Variants in RAP1A observed in about 807,000 individuals in gnomAD.
RAP1A encodes the protein RAP1A, member of RAS oncogene family.
Under a neutral mutation model 26.4 loss-of-function variants are expected in RAP1A, and 6 were observed. The ratio of observed to expected loss-of-function variants is 0.23; its 90% CI spans 0.12 to 0.45. The LOEUF is 0.45. RAP1A is among the 20% of genes least tolerant of loss of function. RAP1A has a pLI of 0.99. For missense variants in RAP1A, 121 were observed against 217.2 expected, an observed-to-expected ratio of 0.56 and a Z score of 2.78; for synonymous variants, 73 against 79.4, an observed-to-expected ratio of 0.92 and a Z score of 0.43.
At chr1:111,626,654 C>T (rs1396952740) in intron 1 of RAP1A, among the ~76,000 whole-genome samples, 1 of 152,114 alleles carries the variant, frequency 6.6e-6, no homozygotes, top group African/African-American at 2.4e-5. Context: ...CTCTTCTCTC[C>T]CGACCTAATT....
chr1:111,549,323 T>C (rs574929401), intron 1 of RAP1A, among the ~76,000 whole-genome samples: 13 of 151,910 alleles, frequency 8.6e-5, no homozygotes, highest in African/African-American at 2.9e-4. Context: ...TTTTTTTTTT[T>C]TTCTTGTCTT....
chr1:111,654,734 A>G (rs140745776), intron 1 of RAP1A, among the ~76,000 whole-genome samples: 1,562 of 151,362 alleles, frequency 0.01, 18 homozygotes, highest in Non-Finnish European at 0.013. Context: ...CTTCTACCTG[A>G]TAAGTGGTAG....
intron 1 of RAP1A, among the ~76,000 whole-genome samples, chr1:111,589,457 A>G (rs1304465685): frequency 1.3e-5 from 2 of 152,130 alleles, no homozygotes; most frequent in Admixed American, 6.5e-5. Flanking sequence ...TTATCCCAAC[A>G]TACCTTTCAC....
At chr1:111,603,902 A>G (rs1658720702) in intron 1 of RAP1A, among the ~76,000 whole-genome samples, 1 of 152,208 alleles carries the variant, frequency 6.6e-6, no homozygotes. Context: ...TTTTCAGATG[A>G]CCTTCATTTC....
intron 1 of RAP1A, among the ~76,000 whole-genome samples, chr1:111,581,108 G>C (rs551935490): frequency 3.0e-4 from 42 of 141,738 alleles, no homozygotes; most frequent in Admixed American, 9.7e-4. Flanking sequence ...GAAGTGGGAT[G>C]CAGGGAGCCT....
chr1:111,624,048 T>C (rs1157387419), intron 1 of RAP1A, among the ~76,000 whole-genome samples: 2 of 152,234 alleles, frequency 1.3e-5, no homozygotes, highest in Admixed American at 6.5e-5. Context: ...TATTTTAATA[T>C]TGGAATACAT....
At chr1:111,628,164 C>T (rs1044881807) in intron 1 of RAP1A, among the ~76,000 whole-genome samples, 1 of 152,202 alleles carries the variant, frequency 6.6e-6, no homozygotes, top group African/African-American at 2.4e-5. Flanking sequence ...CCACTTGGCA[C>T]ATAGGTATTT....
upstream of RAP1A, among the ~76,000 whole-genome samples, chr1:111,619,379 CCT>C (rs1352567029): frequency 6.6e-6 from 1 of 152,140 alleles, no homozygotes; most frequent in African/African-American, 2.4e-5. Context: ...GTCTGTCTCC[CCT>C]CTCTCACTCC....
intron 1 of RAP1A, among the ~76,000 whole-genome samples, chr1:111,584,189 A>G (rs1658318658): frequency 6.6e-6 from 1 of 152,104 alleles, no homozygotes; most frequent in Non-Finnish European, 1.5e-5. Flanking sequence ...GCCACAATTG[A>G]TATTTCAACT....
chr1:111,624,156 A>G (rs1463398832), intron 1 of RAP1A, among the ~76,000 whole-genome samples: 1 of 152,214 alleles, frequency 6.6e-6, no homozygotes, highest in Non-Finnish European at 1.5e-5. Flanking sequence ...TTGTAAGAAG[A>G]GTTACGGCCT....
chr1:111,593,116 A>T (rs930760716), intron 1 of RAP1A, among the ~76,000 whole-genome samples: 1 of 152,140 alleles, frequency 6.6e-6, no homozygotes, highest in Non-Finnish European at 1.5e-5. Flanking sequence ...GTTGGCTTGC[A>T]AAGGTGAGAT....
chr1:111,564,396 C>A (rs776005143), intron 1 of RAP1A, among the ~76,000 whole-genome samples: 33 of 152,082 alleles, frequency 2.2e-4, no homozygotes, highest in Admixed American at 1.2e-3. Context: ...TGCCTATATT[C>A]CTATTTGGGA....
At chr1:111,688,894 G>A (rs921845101) in intron 1 of RAP1A, among the ~76,000 whole-genome samples, 2 of 150,728 alleles carry the variant, frequency 1.3e-5, no homozygotes, top group African/African-American at 4.9e-5. Flanking sequence ...GAGTGCAGTG[G>A]GACAATCACA....
intron 1 of RAP1A, among the ~76,000 whole-genome samples, chr1:111,586,244 A>G (rs1004255085): frequency 6.6e-6 from 1 of 152,204 alleles, no homozygotes; most frequent in African/African-American, 2.4e-5. Context: ...GTTATTACCA[A>G]TAGTGTCCTT....
intron 1 of RAP1A, among the ~76,000 whole-genome samples, chr1:111,662,790 C>G (rs938938476): frequency 3.9e-5 from 6 of 152,082 alleles, no homozygotes; most frequent in Admixed American, 6.5e-5. Flanking sequence ...GTATCTTAGT[C>G]CAGCTTTGTT....
intron 4 of RAP1A, among the ~76,000 whole-genome samples, chr1:111,701,923 A>C (rs1015453159): frequency 6.6e-6 from 1 of 152,220 alleles, no homozygotes; most frequent in Non-Finnish European, 1.5e-5. Flanking sequence ...AAAATCCAGG[A>C]AACTTCCAGT....
intron 1 of RAP1A, among the ~76,000 whole-genome samples, chr1:111,688,742 T>C (rs146445353): frequency 6.6e-6 from 1 of 152,154 alleles, no homozygotes; most frequent in African/African-American, 2.4e-5. Flanking sequence ...GTTTTCTTTG[T>C]GTTTATACTC....
intron 1 of RAP1A, among the ~76,000 whole-genome samples, chr1:111,674,746 G>A (rs1453319332): frequency 2.0e-5 from 3 of 152,026 alleles, no homozygotes; most frequent in Non-Finnish European, 4.4e-5. Flanking sequence ...ATTCCTTTTA[G>A]TAGCTTATCA....
intron 1 of RAP1A, among the ~76,000 whole-genome samples, chr1:111,653,683 CAAAAAAAAAAAAAAA>C (rs71099925): frequency 2.8e-3 from 182 of 65,714 alleles, no homozygotes; most frequent in Non-Finnish European, 4.0e-3. Context: ...AACTCTGTCT[CAAAAAAAAAAAAAAA>C]AAAAAAAAAA....
Sources: gnomAD v4.1 joint callset for allele counts (sites outside exome capture counted in the v4.1 genomes callset) on GRCh38, gnomAD v4.1.1 for gene constraint, MANE v1.5 for transcripts, NCBI Gene and HGNC (gene_info 2026-07-23, HGNC 2026-07-21) for gene names.